The following CNTN3 variants were observed in gnomAD, a reference collection of about 807,000 sequenced individuals.
CNTN3 encodes the protein contactin 3.
CNTN3 carries 60 observed loss-of-function variants against 119.1 expected under a neutral mutation model. The ratio of observed to expected loss-of-function variants is 0.50; its 90% CI spans 0.41 to 0.62. The LOEUF (loss-of-function observed/expected upper bound fraction) is 0.62, where lower values mean the gene tolerates loss of function less well. Ranked by LOEUF, CNTN3 falls within the 20% of genes least tolerant of loss-of-function variation. CNTN3 has a pLI of 0.00. For synonymous variants in CNTN3, 450 were observed against 438.7 expected, an observed-to-expected ratio of 1.03 and a Z score of -0.32; for missense variants, 1,101 against 1,242.4, an observed-to-expected ratio of 0.89 and a Z score of 1.71.
intron 4 of CNTN3, among the ~76,000 whole-genome samples, chr3:74,430,116 T>C (rs997983328): frequency 3.9e-5 from 6 of 152,208 alleles, no homozygotes; most frequent in African/African-American, 1.2e-4. Context: ...GTAACTACCA[T>C]ATGACCAGCA....
intron 4 of CNTN3, among the ~76,000 whole-genome samples, chr3:74,458,338 T>G (rs1194010591): frequency 6.6e-6 from 1 of 152,046 alleles, no homozygotes; most frequent in African/African-American, 2.4e-5. Flanking sequence ...GAGGGCCAGA[T>G]CCAGGCTGCC....
chr3:74,532,470 A>G (rs1311643661), intron 1 of CNTN3, among the ~76,000 whole-genome samples: 1 of 152,044 alleles, frequency 6.6e-6, no homozygotes, highest in African/African-American at 2.4e-5. Flanking sequence ...ACAGAGATGA[A>G]CAACAATAAT....
At chr3:74,467,473 G>T (rs75899809) in intron 4 of CNTN3, among the ~76,000 whole-genome samples, 2 of 152,044 alleles carry the variant, frequency 1.3e-5, no homozygotes, top group African/African-American at 4.8e-5. Context: ...GAATCACAGC[G>T]GTATAATGGA....
At chr3:74,386,552 CA>C in intron 5 of CNTN3, among the ~76,000 whole-genome samples, 1 of 152,118 alleles carries the variant, frequency 6.6e-6, no homozygotes, top group Non-Finnish European at 1.5e-5. Flanking sequence ...AAAAACAAAA[CA>C]AAACAGAAAA....
At chr3:74,374,985 T>C (rs905536344) in intron 5 of CNTN3, among the ~76,000 whole-genome samples, 19 of 152,206 alleles carry the variant, frequency 1.2e-4, no homozygotes, top group African/African-American at 3.9e-4. Flanking sequence ...ATATACTTCA[T>C]AGTATTGAAA....
chr3:74,486,447 T>C lies in CNTN3; in HGVS notation c.358+9A>G. ...GTTGGATTTGCTAGACATGTGAACATAAACTTACAGGCAAACTGAAGTTTG... is the reference window on the plus strand; with the variant it reads ...GTTGGATTTGCTAGACATGTGAACACAAACTTACAGGCAAACTGAAGTTTG... On this transcript the variant is annotated intron_variant, in intron 4 of 22. Transcript: ENST00000263665. The C allele has an allele frequency of 6.3e-7, 1 of 1,583,214 alleles. No homozygotes were observed. The highest frequency in any genetic ancestry group is 8.5e-7 in the Non-Finnish European group (1 of 1,171,762).
At chr3:74,332,902 A>G (rs1334595424) in intron 13 of CNTN3, among the ~76,000 whole-genome samples, 2 of 152,250 alleles carry the variant, frequency 1.3e-5, no homozygotes, top group Admixed American at 6.5e-5. Flanking sequence ...GTAACATTTT[A>G]GGCTTCTTCT....
In CNTN3 at chr3:74,365,658, C is replaced by T. The variant is rs756569621; in HGVS notation, c.991G>A (p.Val331Met). The change falls in exon 9 of 23, where the codon GTG becomes ATG. Residue 331 changes from valine to methionine, a missense_variant. Physicochemically the swap from Val to Met is conservative, Grantham distance 21. Coordinates refer to ENST00000263665, the MANE Select transcript of CNTN3 (RefSeq NM_020872.3). ...CATTCCCAATAAAGACTGTCCTCCA[C>T]GGCTATTTCCACATCCTTTATGAGT... Reference protein sequence around the residue: ...VQLIKDVEIAVEDSLYWECRA... With the variant: ...VQLIKDVEIAMEDSLYWECRA... 85 of 1,613,278 alleles carry T rather than the reference C, an allele frequency of 5.3e-5. No individual in the cohort carries two copies. The highest frequency in any genetic ancestry group is 3.3e-4 in the East Asian group (15 of 44,860).
chr3:74,472,534 C>T lies in CNTN3; in HGVS notation c.358+13922G>A, dbSNP rs80064014. Reference sequence around the variant, plus strand: ...CTAAAAGATTTTATGATTCAAAAGGCAAATAACAAATATGTTTCATTTATA... The same window carrying T: ...CTAAAAGATTTTATGATTCAAAAGGTAAATAACAAATATGTTTCATTTATA... On this transcript the variant is annotated intron_variant, in intron 4 of 22. Coordinates refer to ENST00000263665, the MANE Select transcript of CNTN3 (RefSeq NM_020872.3). Among the ~76,000 whole-genome samples, 322 of 152,116 alleles carry T rather than the reference C, an allele frequency of 2.1e-3. 13 individuals are homozygous for T. The South Asian group carries it at 0.044, about 21-fold the overall frequency.
intron 3 of CNTN3, among the ~76,000 whole-genome samples, chr3:74,498,993 T>C (rs1002371258): frequency 6.6e-6 from 1 of 151,896 alleles, no homozygotes; most frequent in African/African-American, 2.4e-5. Flanking sequence ...AATACCCATC[T>C]GATCCAAATA....
intron 11 of CNTN3, among the ~76,000 whole-genome samples, chr3:74,356,418 A>G (rs1168929962): frequency 6.6e-6 from 1 of 152,052 alleles, no homozygotes; most frequent in African/African-American, 2.4e-5. Context: ...CCTGCTGCAG[A>G]CATCACCTTC....
At chr3:74,545,976 A>C (rs1703908664) in intron 1 of CNTN3, among the ~76,000 whole-genome samples, 2 of 151,598 alleles carry the variant, frequency 1.3e-5, no homozygotes, top group Non-Finnish European at 1.5e-5. Context: ...ATTTGGTTTC[A>C]TTTCTTGAAC....
chr3:74,396,737 T>TCCGCC, intron 5 of CNTN3, among the ~76,000 whole-genome samples: 1 of 109,126 alleles, frequency 9.2e-6, no homozygotes. Context: ...AGAGCGAGAT[T>TCCGCC]CCGCCTCAGA....
At chr3:74,376,314 G>A (rs781062250) in intron 5 of CNTN3, among the ~76,000 whole-genome samples, 1 of 152,140 alleles carries the variant, frequency 6.6e-6, no homozygotes, top group Non-Finnish European at 1.5e-5. Flanking sequence ...AGCAGGAGGT[G>A]AGCAGTGAGC....
At chr3:74,466,910 T>A (rs1244840828) in intron 4 of CNTN3, among the ~76,000 whole-genome samples, 2 of 152,188 alleles carry the variant, frequency 1.3e-5, no homozygotes, top group African/African-American at 2.4e-5. Flanking sequence ...ACAGCAGTTT[T>A]AATCACAGTC....
At chr3:74,427,643 T>C (rs1206657574) in intron 4 of CNTN3, among the ~76,000 whole-genome samples, 4 of 152,166 alleles carry the variant, frequency 2.6e-5, no homozygotes, top group African/African-American at 4.8e-5. Context: ...GCTATCATCA[T>C]ATTTAATGGT....
At chr3:74,459,389 T>G (rs1702324683) in intron 4 of CNTN3, among the ~76,000 whole-genome samples, 1 of 152,008 alleles carries the variant, frequency 6.6e-6, no homozygotes, top group Non-Finnish European at 1.5e-5. Context: ...TTCATTCTAT[T>G]AATAGCAAAG....
rs1704307653 is a variant in CNTN3, at chr3:74,370,482, AT to A, written c.659-492del. On this transcript the variant is annotated intron_variant, in intron 6 of 22. Coordinates refer to ENST00000263665, the MANE Select transcript of CNTN3 (RefSeq NM_020872.3). ...TAAAGAACAAAAATTATGGCAGGGAATTTACTTAATGATACCCTAGTAGCAG... is the reference window on the plus strand; with the variant it reads ...TAAAGAACAAAAATTATGGCAGGGAATTACTTAATGATACCCTAGTAGCAG... 1.3e-5 allele frequency among the ~76,000 whole-genome samples: 2 copies of A among 152,132 alleles called. 1 individual carries two copies. The highest frequency in any genetic ancestry group is 4.1e-4 in the South Asian group (2 of 4,836).
At chr3:74,312,976 G>T (rs1409519947) in intron 13 of CNTN3, among the ~76,000 whole-genome samples, 2 of 150,422 alleles carry the variant, frequency 1.3e-5, no homozygotes, top group Non-Finnish European at 3.0e-5. Flanking sequence ...CAGAGAGATA[G>T]ACATTCTAAG....
Sources: allele counts gnomAD v4.1 joint callset (sites outside exome capture counted in the v4.1 genomes callset), GRCh38; gene constraint gnomAD v4.1.1; transcripts MANE v1.5; gene names NCBI Gene and HGNC (gene_info 2026-07-23, HGNC 2026-07-21).